The following PAPOLG variants were observed in gnomAD, a reference collection of about 807,000 sequenced individuals.
The protein encoded by PAPOLG is poly(A) polymerase gamma.
In PAPOLG, 40 loss-of-function variants were observed where a neutral mutation model predicts 99.0. The observed-to-expected ratio is 0.40, with a 90% CI of 0.31 to 0.53. The LOEUF is 0.53. Ranked by LOEUF, PAPOLG falls within the 20% of genes least tolerant of loss-of-function variation. The probability of loss-of-function intolerance (pLI) is 0.41; values close to 1 mark genes in which losing one functional copy is unlikely to be tolerated. For synonymous variants in PAPOLG, 310 were observed against 299.3 expected (o/e 1.04, Z -0.37); for missense variants, 675 against 884.1 (o/e 0.76, Z 3.00).
At chr2:60,756,531 G>A in intron 1 of PAPOLG, 36 bp downstream of exon 1, 1 of 1,533,834 alleles carries the variant, frequency 6.5e-7, no homozygotes, top group Non-Finnish European at 8.9e-7. Context: ...GGTGAGGCGG[G>A]TAGGGGTGAG....
chr2:60,770,350 A>T, intron 5 of PAPOLG, 108 bp from the exon 6 acceptor site: 1 of 877,530 alleles, frequency 1.1e-6, no homozygotes, highest in Non-Finnish European at 1.6e-6. Context: ...GATTACTTCT[A>T]TGTGGTTAAA....
intron 5 of PAPOLG, among the ~76,000 whole-genome samples, chr2:60,770,205 A>C (rs1306649972): frequency 6.6e-6 from 1 of 152,240 alleles, no homozygotes; most frequent in East Asian, 1.9e-4. Flanking sequence ...TGTATCTTAC[A>C]TAATACAGGT....
intron 15 of PAPOLG, chr2:60,791,413 G>C (rs762895839): frequency 2.5e-5 from 4 of 162,586 alleles, no homozygotes; most frequent in Non-Finnish European, 4.0e-5. Context: ...TTAGCTGGAC[G>C]TGGTGGCGCA....
intron 9 of PAPOLG, 140 bp from the exon 10 acceptor site, chr2:60,780,567 T>G: frequency 1.3e-6 from 1 of 781,422 alleles, no homozygotes. Context: ...TGAGCCACCA[T>G]GCTCGGCCTT....
chr2:60,780,887 T>G, intron 10 of PAPOLG, 108 bp downstream of exon 10: 3 of 918,396 alleles, frequency 3.3e-6, no homozygotes, highest in Admixed American at 2.0e-5. Flanking sequence ...CTTCCTTCTA[T>G]ATAACTATAG....
chr2:60,783,053 C>A, intron 12 of PAPOLG, 103 bp from the exon 13 acceptor site: 5 of 1,046,646 alleles, frequency 4.8e-6, no homozygotes, highest in Non-Finnish European at 6.7e-6. Flanking sequence ...CCTTTATTAG[C>A]TCATTTGTTC....
At position 60,789,164 on chromosome 2, in the gene PAPOLG, C is replaced by G. The variant is rs562575066; in HGVS notation, c.1396+1544C>G. On this transcript the variant is annotated intron_variant, in intron 15 of 21. Coordinates refer to ENST00000238714, the MANE Select transcript of PAPOLG (RefSeq NM_022894.4). ...GACACAGGAAGGGGAACATCACACT[C>G]TGGGGACTGTTGTGGGGTGGGGGGA... Among the ~76,000 whole-genome samples the G allele has an allele frequency of 1.5e-3, 228 of 150,686 alleles. 2 individuals carry two copies. Among genetic ancestry groups the G allele is most frequent in the Middle Eastern group, 3.4e-3 (1 of 294 alleles).
chr2:60,765,411 T>TA (rs1215377157), intron 3 of PAPOLG, among the ~76,000 whole-genome samples: 15 of 146,620 alleles, frequency 1.0e-4, no homozygotes, highest in African/African-American at 2.5e-4. Context: ...TTTTTGATTT[T>TA]AAAAAAAAAA....
chr2:60,770,599 T>C (rs898352320), intron 6 of PAPOLG, 88 bp downstream of exon 6: 2 of 815,612 alleles, frequency 2.5e-6, no homozygotes, highest in Non-Finnish European at 3.7e-6. Context: ...CATAAATGCA[T>C]ATTTTAAAAA....
chr2:60,760,488 C>T (rs1182241541), intron 2 of PAPOLG, among the ~76,000 whole-genome samples, 193 bp downstream of exon 2: 1 of 152,126 alleles, frequency 6.6e-6, no homozygotes, highest in African/African-American at 2.4e-5. Flanking sequence ...ATCAGTATGA[C>T]ACTCATGAGT....
chr2:60,777,464 AT>A (rs945606232), intron 8 of PAPOLG, among the ~76,000 whole-genome samples: 4 of 150,884 alleles, frequency 2.7e-5, no homozygotes, highest in Admixed American at 2.0e-4. Flanking sequence ...TCAAAAAAAA[AT>A]TTTTTTTTTC....
chr2:60,792,356 T>C (rs1671565417), intron 17 of PAPOLG, 67 bp downstream of exon 17: 2 of 1,362,990 alleles, frequency 1.5e-6, no homozygotes, highest in Non-Finnish European at 2.0e-6. Context: ...AATGTGAACT[T>C]TTCTATACCT....
At chr2:60,780,563 AC>A (rs1671157339) in intron 9 of PAPOLG, 143 bp from the exon 10 acceptor site, 2 of 750,454 alleles carry the variant, frequency 2.7e-6, no homozygotes. Context: ...GGCATGAGCC[AC>A]CATGCTCGGC....
At chr2:60,774,862 C>A in intron 7 of PAPOLG, 172 bp from the exon 8 acceptor site, 1 of 716,022 alleles carries the variant, frequency 1.4e-6, no homozygotes, top group Non-Finnish European at 1.7e-6. Context: ...TTTTTAATTA[C>A]CCTAAAGCAA....
chr2:60,783,122 CT>C (rs200261384), intron 12 of PAPOLG, 33 bp from the exon 13 acceptor site: 14 of 1,525,884 alleles, frequency 9.2e-6, no homozygotes, highest in South Asian at 5.5e-5. Flanking sequence ...ATTTTTCTGG[CT>C]TTTTTTCCTG....
chr2:60,775,768 T>A, intron 8 of PAPOLG, among the ~76,000 whole-genome samples: 1 of 152,030 alleles, frequency 6.6e-6, no homozygotes, highest in Non-Finnish European at 1.5e-5. Flanking sequence ...TAGTCTTTTT[T>A]TTTTTTCTTT....
intron 11 of PAPOLG, 62 bp downstream of exon 11, chr2:60,782,067 T>C: frequency 6.6e-7 from 1 of 1,512,972 alleles, no homozygotes; most frequent in South Asian, 1.1e-5. Flanking sequence ...ACAGTTTTAT[T>C]CTCTGTTGCA....
At chr2:60,766,269 A>G (rs1055706287) in intron 3 of PAPOLG, among the ~76,000 whole-genome samples, 8 of 152,218 alleles carry the variant, frequency 5.3e-5, no homozygotes, top group Non-Finnish European at 1.0e-4. Context: ...GTAATGGCAG[A>G]AAGCACAGAG....
At chr2:60,772,319 C>G (rs112067634) in intron 7 of PAPOLG, among the ~76,000 whole-genome samples, 1 of 151,950 alleles carries the variant, frequency 6.6e-6, no homozygotes, top group East Asian at 1.9e-4. Flanking sequence ...TAGTGGCACT[C>G]GCCTGTAGTT....
Sources: gnomAD v4.1 joint callset for allele counts (sites outside exome capture counted in the v4.1 genomes callset) on GRCh38, gnomAD v4.1.1 for gene constraint, MANE v1.5 for transcripts, NCBI Gene and HGNC (gene_info 2026-07-23, HGNC 2026-07-21) for gene names.